Variants in ARHGAP17 observed in about 807,000 individuals in gnomAD.
ARHGAP17 encodes the protein rho GTPase-activating protein 17.
Under a neutral mutation model 99.5 loss-of-function variants are expected in ARHGAP17, and 57 were observed. The observed-to-expected ratio is 0.57, with a 90% CI of 0.46 to 0.71. The LOEUF is 0.71. Among genes scored for constraint, ARHGAP17 ranks in the 30% least tolerant of loss-of-function variants. ARHGAP17 has a pLI of 0.00. For synonymous variants in ARHGAP17, 417 were observed against 429.6 expected (o/e 0.97, Z 0.36); for missense variants, 1,000 against 1,122.4 (o/e 0.89, Z 1.56).
chr16:25,004,311 C>T (rs1452472618), intron 1 of ARHGAP17, among the ~76,000 whole-genome samples: 1 of 152,168 alleles, frequency 6.6e-6, no homozygotes, highest in Admixed American at 6.5e-5. Context: ...CAGCGGAGTC[C>T]TCACTGAACC....
At chr16:24,993,604 AAG>A (rs1189831593) in intron 1 of ARHGAP17, among the ~76,000 whole-genome samples, 3 of 151,824 alleles carry the variant, frequency 2.0e-5, no homozygotes, top group African/African-American at 7.3e-5. Flanking sequence ...AAAAAAAAAA[AAG>A]TAACGGGCAA....
At chr16:24,970,682 T>C in intron 3 of ARHGAP17, 102 bp from the exon 4 acceptor site, 1 of 1,079,396 alleles carries the variant, frequency 9.3e-7, no homozygotes, top group Admixed American at 1.8e-5. Context: ...CCAGGCAAAT[T>C]ACACAGGTAG....
chr16:24,940,842 A>G (rs1168135480), intron 16 of ARHGAP17, among the ~76,000 whole-genome samples: 1 of 152,258 alleles, frequency 6.6e-6, no homozygotes, highest in East Asian at 1.9e-4. Context: ...CTTTCAGTTC[A>G]AAAAGTAAAA....
chr16:24,938,784 A>G (rs531792229), intron 17 of ARHGAP17, among the ~76,000 whole-genome samples: 4,523 of 151,862 alleles, frequency 0.03, 221 homozygotes, highest in African/African-American at 0.1. Context: ...AAAAAAAAAA[A>G]AAAAAAAGAA....
intron 19 of ARHGAP17, among the ~76,000 whole-genome samples, chr16:24,923,065 CACTA>C (rs2050756448): frequency 6.6e-6 from 1 of 152,186 alleles, no homozygotes; most frequent in African/African-American, 2.4e-5. Flanking sequence ...ACTGAACCCC[CACTA>C]ACTAATCCTA....
intron 1 of ARHGAP17, among the ~76,000 whole-genome samples, chr16:24,990,553 A>G (rs2053008641): frequency 6.6e-6 from 1 of 151,930 alleles, no homozygotes. Context: ...GCTACTTAGG[A>G]AGCTTAGGTA....
intron 3 of ARHGAP17, among the ~76,000 whole-genome samples, chr16:24,971,733 C>T (rs1409797486): frequency 6.6e-6 from 1 of 152,208 alleles, no homozygotes; most frequent in Non-Finnish European, 1.5e-5. Context: ...AAATACAAAG[C>T]CACTCATTTT....
intron 7 of ARHGAP17, among the ~76,000 whole-genome samples, chr16:24,960,810 C>T (rs958626881): frequency 8.0e-5 from 12 of 149,736 alleles, no homozygotes; most frequent in East Asian, 4.0e-4. Flanking sequence ...TGCAAGACTC[C>T]GTCTCCAAAG....
At chr16:25,001,282 G>A (rs1843359716) in intron 1 of ARHGAP17, among the ~76,000 whole-genome samples, 1 of 152,048 alleles carries the variant, frequency 6.6e-6, no homozygotes, top group Admixed American at 6.5e-5. Context: ...AAATACCTGG[G>A]AAGCATATAA....
At chr16:24,960,359 A>G (rs566182891) in intron 7 of ARHGAP17, among the ~76,000 whole-genome samples, 9 of 152,296 alleles carry the variant, frequency 5.9e-5, no homozygotes, top group African/African-American at 2.2e-4. Flanking sequence ...AGCCTGGCCA[A>G]CATGGTGAAA....
intron 19 of ARHGAP17, among the ~76,000 whole-genome samples, chr16:24,922,031 G>T (rs566856964): frequency 1.1e-4 from 16 of 152,248 alleles, no homozygotes; most frequent in Non-Finnish European, 2.1e-4. Flanking sequence ...ACACTTGGAT[G>T]GTTGGATGGA....
At chr16:24,967,416 C>A (rs2052220162) in intron 6 of ARHGAP17, among the ~76,000 whole-genome samples, 1 of 152,200 alleles carries the variant, frequency 6.6e-6, no homozygotes, top group Non-Finnish European at 1.5e-5. Context: ...GTTTGTCAAC[C>A]CTTGTGATAA....
chr16:24,941,549 CACATTATACCAGA>C (rs2051312375), intron 16 of ARHGAP17: 1 of 163,276 alleles, frequency 6.1e-6, no homozygotes, highest in Non-Finnish European at 1.3e-5. Context: ...ATTGTGGGGC[CACATTATACCAGA>C]AATATGTCTC....
chr16:24,925,306 A>G (rs13332258), intron 19 of ARHGAP17, among the ~76,000 whole-genome samples: 27,237 of 152,132 alleles, frequency 0.18, 7,924 homozygotes, highest in African/African-American at 0.61. Context: ...TTAAACCAGG[A>G]AGGCAGGGGT....
At chr16:24,951,496 A>T (rs566876953) in intron 12 of ARHGAP17, among the ~76,000 whole-genome samples, 1 of 152,218 alleles carries the variant, frequency 6.6e-6, no homozygotes, top group Non-Finnish European at 1.5e-5. Context: ...TTCAATAAAC[A>T]TATAGGAAAA....
rs775863206 is a variant in ARHGAP17 at position 24,952,276 on chromosome 16, T to C, written c.1046+13A>G. 8.8e-6 allele frequency: 14 copies of C among 1,599,324 alleles called. No individual in the cohort carries two copies. Among genetic ancestry groups the C allele is most frequent in the Admixed American group, 1.7e-5 (1 of 59,132 alleles). On this transcript the variant is annotated intron_variant, in intron 12 of 19. Coordinates refer to ENST00000289968, the MANE Select transcript of ARHGAP17 (RefSeq NM_001006634.3). ...CCCTTTAACATTTACAACTCTGTGT[T>C]CTTTAAACTTACCTTGCAACTTGTG...
chr16:24,929,015 A>G (rs971981617), intron 19 of ARHGAP17, among the ~76,000 whole-genome samples: 4 of 152,192 alleles, frequency 2.6e-5, no homozygotes, highest in African/African-American at 9.7e-5. Flanking sequence ...TCAAGACACA[A>G]AGGACACAAT....
At chr16:24,953,080 T>C (rs2051693155) in intron 10 of ARHGAP17, 38 bp from the exon 11 acceptor site, 5 of 1,594,902 alleles carry the variant, frequency 3.1e-6, no homozygotes, top group East Asian at 2.2e-5. Flanking sequence ...CAAGTGCAGG[T>C]TGGGACACTC....
intron 1 of ARHGAP17, among the ~76,000 whole-genome samples, chr16:24,981,865 A>G (rs1185135448): frequency 6.6e-6 from 1 of 152,192 alleles, no homozygotes; most frequent in African/African-American, 2.4e-5. Context: ...CAGAGTATCT[A>G]AAATGTAAAG....
Sources: gnomAD v4.1 joint callset for allele counts (sites outside exome capture counted in the v4.1 genomes callset) on GRCh38, gnomAD v4.1.1 for gene constraint, MANE v1.5 for transcripts, NCBI Gene and HGNC (gene_info 2026-07-23, HGNC 2026-07-21) for gene names.